LEKR1: variants seen among roughly 807,000 people sequenced by gnomAD.
LEKR1 encodes leucine, glutamate and lysine rich 1.
A neutral mutation model predicts 72.4 loss-of-function variants in LEKR1; 59 were observed. That is an observed-to-expected ratio of 0.82 (90% CI 0.66 to 1.01). The LOEUF is 1.01. Ranked by LOEUF, LEKR1 falls within the 50% of genes least tolerant of loss-of-function variation. The pLI is 0.00. For synonymous variants in LEKR1, 257 were observed against 263.2 expected, an observed-to-expected ratio of 0.98 and a Z score of 0.23; for missense variants, 728 against 759.2, an observed-to-expected ratio of 0.96 and a Z score of 0.48.
intron 3 of LEKR1, among the ~76,000 whole-genome samples, chr3:156,893,714 C>G (rs1720898425): frequency 6.6e-6 from 1 of 152,184 alleles, no homozygotes; most frequent in African/African-American, 2.4e-5. Flanking sequence ...TGAAACCATG[C>G]TCTTACAGCC....
intron 1 of LEKR1, chr3:156,826,727 G>T (rs1446663798): frequency 2.6e-5 from 4 of 155,524 alleles, no homozygotes; most frequent in East Asian, 1.9e-4. Flanking sequence ...CAGCAGTTTT[G>T]TCTGGCCTTG....
intron 4 of LEKR1, among the ~76,000 whole-genome samples, chr3:156,926,061 AAGAT>A (rs1724691223): frequency 6.6e-6 from 1 of 152,048 alleles, no homozygotes; most frequent in Non-Finnish European, 1.5e-5. Flanking sequence ...TATTAATAGA[AAGAT>A]AAATTTTTTA....
chr3:156,948,917 T>C (rs1483817995), intron 6 of LEKR1, among the ~76,000 whole-genome samples: 1 of 151,602 alleles, frequency 6.6e-6, no homozygotes, highest in Admixed American at 6.6e-5. Flanking sequence ...TAATAATCAG[T>C]GATAGTGAAC....
intron 3 of LEKR1, among the ~76,000 whole-genome samples, chr3:156,890,859 C>A (rs1225179437): frequency 6.7e-6 from 1 of 149,306 alleles, no homozygotes. Flanking sequence ...TAAAAGTTAT[C>A]CTTTTTTTTT....
At chr3:157,013,175 G>A (rs569769876) in intron 10 of LEKR1, among the ~76,000 whole-genome samples, 1 of 152,254 alleles carries the variant, frequency 6.6e-6, no homozygotes, top group African/African-American at 2.4e-5. Context: ...AACGTGGATA[G>A]CGATTCAGAG....
chr3:157,004,581 A>C (rs1732268068), intron 9 of LEKR1, among the ~76,000 whole-genome samples: 1 of 152,164 alleles, frequency 6.6e-6, no homozygotes, highest in Non-Finnish European at 1.5e-5. Context: ...GACATGAAAT[A>C]AAACCAAAGA....
At chr3:156,901,102 A>ATTAT (rs60439056) in intron 3 of LEKR1, among the ~76,000 whole-genome samples, 5,134 of 152,262 alleles carry the variant, frequency 0.034, 319 homozygotes, top group African/African-American at 0.12. Context: ...AGTAGCTGGG[A>ATTAT]TTATACGTAT....
intron 10 of LEKR1, among the ~76,000 whole-genome samples, chr3:157,018,824 A>G (rs2108029097): frequency 6.6e-6 from 1 of 152,330 alleles, no homozygotes; most frequent in Admixed American, 6.5e-5. Flanking sequence ...GAGTTAATAT[A>G]TAGAAAGTGT....
At chr3:156,975,263 C>A (rs1301341371) in intron 6 of LEKR1, among the ~76,000 whole-genome samples, 1 of 151,902 alleles carries the variant, frequency 6.6e-6, no homozygotes, top group African/African-American at 2.4e-5. Flanking sequence ...TCTTCAATTA[C>A]CTATACAATA....
intron 3 of LEKR1, among the ~76,000 whole-genome samples, chr3:156,918,941 A>G (rs527539430): frequency 4.6e-5 from 7 of 152,280 alleles, no homozygotes; most frequent in South Asian, 2.1e-4. Flanking sequence ...GTACGGCCTC[A>G]TCGGAGGTGT....
Position 156,986,972 on chromosome 3 carries a change from G to C in LEKR1, c.828-5681G>C, listed in dbSNP as rs111836744. ...TTAAGAATGGCTGTTCCATATAAGC[G>C]AATGGAGTGGCATATAGCATCACCT... On this transcript the variant is annotated intron_variant, in intron 7 of 12. Coordinates refer to ENST00000356539, the MANE Select transcript of LEKR1 (RefSeq NM_001004316.3). Among the ~76,000 whole-genome samples the C allele has an allele frequency of 2.4e-3, 359 of 152,214 alleles. 3 individuals carry two copies. The highest frequency in any genetic ancestry group is 8.3e-3 in the African/African-American group (343 of 41,518).
At chr3:156,899,295 T>TAC (rs1225937424) in intron 3 of LEKR1, among the ~76,000 whole-genome samples, 1 of 146,512 alleles carries the variant, frequency 6.8e-6, no homozygotes, top group African/African-American at 2.5e-5. Context: ...CATGTATATA[T>TAC]ACATATATAC....
intron 2 of LEKR1, among the ~76,000 whole-genome samples, chr3:156,834,023 A>G (rs888093026): frequency 2.6e-5 from 4 of 151,914 alleles, no homozygotes; most frequent in Admixed American, 1.3e-4. Flanking sequence ...TTAATGTACT[A>G]TTAATGTTAG....
In LEKR1 at chr3:157,015,058, A is replaced by G. The variant is rs190427684; in HGVS notation, c.1203+3552A>G. Among the ~76,000 whole-genome samples the G allele has an allele frequency of 4.4e-3, 665 of 152,332 alleles. 2 individuals are homozygous for G. Among genetic ancestry groups the G allele is most frequent in the African/African-American group, 0.015 (640 of 41,566 alleles). ...TATTGGACATCAGGCAATGAAAGAC[A>G]GTGATTCCTGGAAACAGAAGTCAAA... On this transcript the variant is annotated intron_variant, in intron 10 of 12. Coordinates refer to ENST00000356539, the MANE Select transcript of LEKR1 (RefSeq NM_001004316.3).
At chr3:157,035,829 G>A (rs574281860) in intron 12 of LEKR1, among the ~76,000 whole-genome samples, 1 of 152,294 alleles carries the variant, frequency 6.6e-6, no homozygotes, top group East Asian at 1.9e-4. Context: ...AACCCAGAAG[G>A]TGGAGGTTGC....
At chr3:156,946,752 A>G (rs999468514) in intron 6 of LEKR1, among the ~76,000 whole-genome samples, 6 of 151,428 alleles carry the variant, frequency 4.0e-5, no homozygotes, top group African/African-American at 1.2e-4. Context: ...TGATTTGCAT[A>G]TGTTGGACCA....
At chr3:156,946,654 T>A (rs1726709796) in intron 6 of LEKR1, among the ~76,000 whole-genome samples, 1 of 151,598 alleles carries the variant, frequency 6.6e-6, no homozygotes, top group African/African-American at 2.4e-5. Context: ...CACGATGGCA[T>A]GTTGAATTAT....
chr3:157,025,073 T>C (rs996996490), intron 11 of LEKR1, 149 bp downstream of exon 11: 2 of 533,776 alleles, frequency 3.7e-6, no homozygotes, highest in Non-Finnish European at 6.6e-6. Flanking sequence ...GTAAGACGGT[T>C]TGGCTAATTC....
At chr3:156,842,799 A>T (rs1216454011) in intron 2 of LEKR1, among the ~76,000 whole-genome samples, 1 of 152,212 alleles carries the variant, frequency 6.6e-6, no homozygotes, top group Non-Finnish European at 1.5e-5. Context: ...GGGAAGAAGG[A>T]ATAAGATAAT....
Sources: gnomAD v4.1 joint callset for allele counts (sites outside exome capture counted in the v4.1 genomes callset) on GRCh38, gnomAD v4.1.1 for gene constraint, MANE v1.5 for transcripts, NCBI Gene and HGNC (gene_info 2026-07-23, HGNC 2026-07-21) for gene names.